The following ZBTB3 variants were observed in gnomAD, a reference collection of about 807,000 sequenced individuals.
ZBTB3 encodes the protein zinc finger and BTB domain containing 3, also known as zinc finger and BTB domain-containing protein 3.
In ZBTB3, 15 loss-of-function variants were observed where a neutral mutation model predicts 30.6. That is an observed-to-expected ratio of 0.49 (90% CI 0.33 to 0.75). The LOEUF is 0.75. Ranked by LOEUF, ZBTB3 falls within the 30% of genes least tolerant of loss-of-function variation. The pLI is 0.02. For missense variants in ZBTB3, 599 were observed against 652.1 expected (o/e 0.92, Z 0.89); for synonymous variants, 258 against 261.7 (o/e 0.99, Z 0.14).
Position 62,753,110 on chromosome 11 carries a change from A to G in ZBTB3, c.555T>C (p.Asp185=). Residue 185 remains aspartate (D), a synonymous_variant, in exon 2 of 2, where the codon GAT becomes GAC. Transcript: ENST00000394807. ...CAGCCCCACTAGACATTGGTGGCTC[A>G]TCTGGAGGACGGACAGTAGGTGAGG... ...AAPSPTVRPP[D]EPPMSSGADT... 6.2e-7 allele frequency: 1 copy of G among 1,614,220 alleles called. No homozygotes were observed. Among genetic ancestry groups the G allele is most frequent in the Non-Finnish European group, 8.5e-7 (1 of 1,180,044 alleles).
At position 62,753,918 on chromosome 11, in the gene ZBTB3, C is replaced by T. The variant is rs751325139; in HGVS notation, c.-52+46G>A. On this transcript the variant is annotated intron_variant, in intron 1 of 1. Transcript: ENST00000394807. ...CACCCCCGTCCGATAAGCCCTGCCC[C>T]CGGAAGTCCCGCCCCTTAGCCACCC... 5 of 1,608,396 alleles carry T rather than the reference C, an allele frequency of 3.1e-6. No individual in the cohort carries two copies. In the Admixed American group the frequency reaches 6.7e-5, roughly 22 times the overall value.
At position 62,754,080 on chromosome 11, in the gene ZBTB3, G is replaced by A. The variant is rs771766883; in HGVS notation, c.-168C>T. On this transcript the variant is annotated 5_prime_UTR_variant, in exon 1 of 2. Transcript: ENST00000394807. Reference sequence around the variant, plus strand: ...CTAAGCATCTCCCTCACGCATTCCAGGGGCTAAGGACTACCAGGGTGGGAA... The same window carrying A: ...CTAAGCATCTCCCTCACGCATTCCAAGGGCTAAGGACTACCAGGGTGGGAA... 9.9e-6 allele frequency: 16 copies of A among 1,613,128 alleles called. No individual in the cohort carries two copies. In the South Asian group the frequency reaches 1.8e-4, roughly 18 times the overall value.
At position 62,753,241 on chromosome 11, in the gene ZBTB3, TA is replaced by T; in HGVS notation, c.423del (p.Ser142ValfsTer115). The T allele has an allele frequency of 6.2e-7, 1 of 1,614,130 alleles. No homozygotes were observed. The highest frequency in any genetic ancestry group is 8.5e-7 in the Non-Finnish European group (1 of 1,180,026). On this transcript the variant is annotated frameshift_variant, in exon 2 of 2. Transcript: ENST00000394807. LOFTEE classifies it high-confidence loss of function. ...KKEEETNSQL[P>X]SLEFLSSTSR... ...GAAGTACTAGACAAAAACTCCAAAC[TA>T]GGAAGCTGTGAGTTGGTTTCCTCCT... is the stretch of plus-strand genomic sequence containing the variant.
Position 62,753,055 on chromosome 11 carries a change from C to G in ZBTB3, c.610G>C (p.Ala204Pro), listed in dbSNP as rs770425058. ...DTTQPGMEVD[A>P]PHLRAPHPPV... ...GGATGAGGTGCCCGCAGATGTGGTG[C>G]GTCAACCTCCATGCCAGGCTGTGTA... Residue 204 changes from alanine to proline, a missense_variant, in exon 2 of 2, where the codon GCA (alanine) becomes CCA (proline). Coordinates refer to ENST00000394807, the MANE Select transcript of ZBTB3 (RefSeq NM_001370809.1). 1 of 1,614,184 alleles carries G rather than the reference C, an allele frequency of 6.2e-7. No homozygotes were observed. Among genetic ancestry groups the G allele is most frequent in the Admixed American group, 1.7e-5 (1 of 60,016 alleles).
At position 62,752,463 on chromosome 11, in the gene ZBTB3, A is replaced by G. The variant is rs1256185377; in HGVS notation, c.1202T>C (p.Leu401Pro). Residue 401 changes from leucine (L) to proline (P), a missense_variant, in exon 2 of 2, where the codon CTT (leucine) becomes CCT (proline). Coordinates refer to ENST00000394807, the MANE Select transcript of ZBTB3 (RefSeq NM_001370809.1). ...LPAPASLHEPLYLSSEYEAAP... is the reference protein window; with the variant it reads ...LPAPASLHEPPYLSSEYEAAP... Reference sequence around the variant, plus strand: ...TGCTTCGTACTCAGAAGACAGGTAAAGTGGCTCATGCAGGGATGCGGGTGC... The same window carrying G: ...TGCTTCGTACTCAGAAGACAGGTAAGGTGGCTCATGCAGGGATGCGGGTGC... The G allele has an allele frequency of 5.6e-6, 9 of 1,614,194 alleles. No individual in the cohort carries two copies. Among genetic ancestry groups the G allele is most frequent in the Non-Finnish European group, 7.6e-6 (9 of 1,180,036 alleles).
At position 62,753,129 on chromosome 11, in the gene ZBTB3, G is replaced by C; in HGVS notation, c.536C>G (p.Pro179Arg). The change falls in exon 2 of 2, where the codon CCT becomes CGT. Residue 179 changes from proline to arginine, a missense_variant. Physicochemically the swap from Pro to Arg is moderately radical, Grantham distance 103 (BLOSUM62 -2). Transcript: ENST00000394807. ...TGGCTCATCTGGAGGACGGACAGTA[G>C]GTGAGGGAGCAGCAGAGCCTTTCCA... ...GEWKGSAAPS[P>R]TVRPPDEPPM... The C allele has an allele frequency of 6.2e-7, 1 of 1,614,202 alleles. No homozygotes were observed. Among genetic ancestry groups the C allele is most frequent in the Non-Finnish European group, 8.5e-7 (1 of 1,180,038 alleles).
intron 1 of ZBTB3, 28 bp downstream of exon 1, chr11:62,753,936 A>G: frequency 6.3e-7 from 1 of 1,599,624 alleles, no homozygotes; most frequent in Non-Finnish European, 8.5e-7. Flanking sequence ...CCCGCCCCTT[A>G]GCCACCCTCC....
rs760781621 is a variant in ZBTB3, at chr11:62,753,198, G to T, written c.467C>A (p.Ser156Ter). The T allele has an allele frequency of 6.2e-7, 1 of 1,614,076 alleles. No homozygotes were observed. The highest frequency in any genetic ancestry group is 8.5e-7 in the Non-Finnish European group (1 of 1,180,052). ...GCCTGATGTCTCAGCAGATGCCAAC[G>T]AAGGTTGGGTGCCACGGGAAGTACT... ...LSSTSRGTQP[S>*]LASAETSGHW... The change falls in exon 2 of 2, where the codon TCG becomes TAG. Residue 156 changes from serine (S) to a stop codon, truncating the protein, a stop_gained. Transcript: ENST00000394807. LOFTEE classifies it high-confidence loss of function.
At position 62,751,128 on chromosome 11, in the gene ZBTB3, T is replaced by A. The variant is rs1015869888; in HGVS notation, c.*962A>T. 1.3e-5 allele frequency: 2 copies of A among 152,276 alleles called. No individual in the cohort carries two copies. The highest frequency in any genetic ancestry group is 4.8e-5 in the African/African-American group (2 of 41,354). The allele number at this position is 152,276 out of a possible 1,614,324, so 9.4% of individuals were successfully genotyped here. ...AAAGAAAAGGGTAGGAGGCTGGGCA[T>A]GGTGGCTCACGCCTTTAATCCCAGC... is the stretch of plus-strand genomic sequence containing the variant. On this transcript the variant is annotated 3_prime_UTR_variant, in exon 2 of 2. Coordinates refer to ENST00000394807, the MANE Select transcript of ZBTB3 (RefSeq NM_001370809.1).
rs200349928 is a variant in ZBTB3, at chr11:62,752,439, G to T, written c.1226C>A (p.Ala409Glu). The T allele has an allele frequency of 3.7e-6, 6 of 1,614,040 alleles. No individual in the cohort carries two copies. Among genetic ancestry groups the T allele is most frequent in the Middle Eastern group, 1.6e-4 (1 of 6,084 alleles). Residue 409 changes from alanine (A) to glutamate (E), a missense_variant, in exon 2 of 2, where the codon GCA becomes GAA. Coordinates refer to ENST00000394807, the MANE Select transcript of ZBTB3 (RefSeq NM_001370809.1). ...AAAAACCCCAAAGCTTCCTGGAGCT[G>T]CTTCGTACTCAGAAGACAGGTAAAG... ...EPLYLSSEYE[A>E]APGSFGVFTE...
rs755186329 is a variant in ZBTB3 at position 62,752,079 on chromosome 11, C to T, written c.*11G>A. ...GATGGTAAGAGCAGCCTAGCATCAG[C>T]TCATGCTCCCTTAGATGTTAGTTTT... On this transcript the variant is annotated 3_prime_UTR_variant, in exon 2 of 2. Coordinates refer to ENST00000394807, the MANE Select transcript of ZBTB3 (RefSeq NM_001370809.1). The T allele has an allele frequency of 1.3e-6, 2 of 1,589,808 alleles. No homozygotes were observed. The highest frequency in any genetic ancestry group is 1.7e-6 in the Non-Finnish European group (2 of 1,166,374).
chr11:62,752,634 G>A lies in ZBTB3; in HGVS notation c.1031C>T (p.Pro344Leu), dbSNP rs1236417942. The change falls in exon 2 of 2, where the codon CCA becomes CTA. Residue 344 changes from proline (P) to leucine (L), a missense_variant. Pro to Leu is a moderately conservative substitution (Grantham distance 98). Coordinates refer to ENST00000394807, the MANE Select transcript of ZBTB3 (RefSeq NM_001370809.1). ...GAVYGAQPSQ[P>L]EAFEDPGAAG... is the part of the protein sequence containing the mutation. ...TGCCCCTGGGTCTTCAAAAGCCTCT[G>A]GCTGGGAGGGCTGTGCCCCATACAC... 1.2e-6 allele frequency: 2 copies of A among 1,614,090 alleles called. No individual in the cohort carries two copies. The highest frequency in any genetic ancestry group is 2.7e-5 in the African/African-American group (2 of 74,930).
Position 62,753,306 on chromosome 11 carries a change from T to G in ZBTB3, c.359A>C (p.Gln120Pro), listed in dbSNP as rs2084033964. 1 of 1,614,148 alleles carries G rather than the reference T, an allele frequency of 6.2e-7. No homozygotes were observed. The highest frequency in any genetic ancestry group is 1.7e-5 in the Admixed American group (1 of 60,010). The change falls in exon 2 of 2, where the codon CAA becomes CCA. Residue 120 changes from glutamine (Q) to proline (P), a missense_variant. Physicochemically the swap from Gln to Pro is moderately conservative, Grantham distance 76. Coordinates refer to ENST00000394807, the MANE Select transcript of ZBTB3 (RefSeq NM_001370809.1). Reference protein sequence around the residue: ...DIVKVCKRRLQARALAEADST... With the variant: ...DIVKVCKRRLPARALAEADST... The stretch of plus-strand genomic sequence containing the variant: ...GTCTGCCTCTGCCAGGGCCCGGGCT[T>G]GAAGCCGCCGCTTACACACCTTGAC...
chr11:62,753,290 T>C lies in ZBTB3; in HGVS notation c.375A>G (p.Ala125=). 1 of 1,614,188 alleles carries C rather than the reference T, an allele frequency of 6.2e-7. No homozygotes were observed. Among genetic ancestry groups the C allele is most frequent in the Non-Finnish European group, 8.5e-7 (1 of 1,180,036 alleles). Residue 125 remains alanine (A), a synonymous_variant, in exon 2 of 2, where the codon GCA becomes GCG. Transcript: ENST00000394807. ...CKRRLQARAL[A]EADSTKKEEE... ...CCTCCTTCTTGGTACTGTCTGCCTC[T>C]GCCAGGGCCCGGGCTTGAAGCCGCC...
chr11:62,754,087 A>T lies in ZBTB3; in HGVS notation c.-175T>A, dbSNP rs1399191399. The T allele has an allele frequency of 6.2e-7, 1 of 1,610,344 alleles. No individual in the cohort carries two copies. Among genetic ancestry groups the T allele is most frequent in the African/African-American group, 1.3e-5 (1 of 74,814 alleles). On this transcript the variant is annotated 5_prime_UTR_variant, in exon 1 of 2. Coordinates refer to ENST00000394807, the MANE Select transcript of ZBTB3 (RefSeq NM_001370809.1). ...TCTCCCTCACGCATTCCAGGGGCTA[A>T]GGACTACCAGGGTGGGAACTAGCGG...
chr11:62,752,329 G>T lies in ZBTB3; in HGVS notation c.1336C>A (p.Arg446Ser). The part of the protein sequence containing the change: ...TLRRHATVHT[R>S]ERPYECRYCL... ...TAGCGGCACTCATAGGGTCGCTCAC[G>T]TGTGTGCACCGTGGCATGTCGCCGT... Residue 446 changes from arginine to serine, a missense_variant, in exon 2 of 2, where the codon CGT becomes AGT. Physicochemically the swap from Arg to Ser is moderately radical, Grantham distance 110. Coordinates refer to ENST00000394807, the MANE Select transcript of ZBTB3 (RefSeq NM_001370809.1). The T allele has an allele frequency of 6.2e-7, 1 of 1,614,192 alleles. No individual in the cohort carries two copies. The highest frequency in any genetic ancestry group is 8.5e-7 in the Non-Finnish European group (1 of 1,180,038).
chr11:62,752,383 C>G lies in ZBTB3; in HGVS notation c.1282G>C (p.Gly428Arg). Residue 428 changes from glycine (G) to arginine (R), a missense_variant, in exon 2 of 2, where the codon GGG (glycine) becomes CGG (arginine). Transcript: ENST00000394807. Reference protein sequence around the residue: ...TEDVPTCKTCGKTFSCSYTLR... With the variant: ...TEDVPTCKTCRKTFSCSYTLR... ...GTGTAAGAGCATGAGAAGGTCTTCC[C>G]ACATGTCTTGCAGGTGGGAACATCC... 6.2e-7 allele frequency: 1 copy of G among 1,614,150 alleles called. No homozygotes were observed. The highest frequency in any genetic ancestry group is 8.5e-7 in the Non-Finnish European group (1 of 1,180,040).
Position 62,753,288 on chromosome 11 carries a change from T to A in ZBTB3, c.377A>T (p.Glu126Val). The change falls in exon 2 of 2, where the codon GAG becomes GTG. Residue 126 changes from glutamate to valine, a missense_variant. Physicochemically the swap from Glu to Val is moderately radical, Grantham distance 121. Transcript: ENST00000394807. ...CTCCTCCTTCTTGGTACTGTCTGCC[T>A]CTGCCAGGGCCCGGGCTTGAAGCCG... is the stretch of plus-strand genomic sequence containing the variant. Reference protein sequence around the residue: ...KRRLQARALAEADSTKKEEET... With the variant: ...KRRLQARALAVADSTKKEEET... 6.2e-7 allele frequency: 1 copy of A among 1,614,170 alleles called. No homozygotes were observed. The highest frequency in any genetic ancestry group is 8.5e-7 in the Non-Finnish European group (1 of 1,180,042).
Position 62,754,153 on chromosome 11 carries a change from C to A in ZBTB3, c.-241G>T. 2 of 1,271,354 alleles carry A rather than the reference C, an allele frequency of 1.6e-6. No homozygotes were observed. Among genetic ancestry groups the A allele is most frequent in the Non-Finnish European group, 2.3e-6 (2 of 874,178 alleles). 78.8% of individuals were successfully genotyped at this position (1,271,354 alleles called of 1,614,324 possible). A position where few individuals can be genotyped will look rare whatever the true frequency, so the allele number is the denominator to read the frequency against. On this transcript the variant is annotated 5_prime_UTR_variant, in exon 1 of 2. Coordinates refer to ENST00000394807, the MANE Select transcript of ZBTB3 (RefSeq NM_001370809.1). ...CACCCACCACCGAGCAGCCACAGGG[C>A]GAGCTCCGCCCCTTCCCACCTTCTC...
Sources: allele counts gnomAD v4.1 joint callset, GRCh38; gene constraint gnomAD v4.1.1; transcripts MANE v1.5; gene names NCBI Gene and HGNC (gene_info 2026-07-23, HGNC 2026-07-21).